Variants in ZNF678 observed in about 807,000 individuals in gnomAD.
ZNF678 encodes the protein zinc finger protein 678, also known as hypothetical protein MGC42493.
Under a neutral mutation model 3.0 loss-of-function variants are expected in ZNF678, and 5 were observed. The observed-to-expected ratio is 1.69, with a 90% CI of 0.88 to 3.56. The LOEUF (loss-of-function observed/expected upper bound fraction) is 3.56. ZNF678 is among the 30% of genes most tolerant of loss of function. The pLI is 0.00. For missense variants in ZNF678, 593 were observed against 605.0 expected, an observed-to-expected ratio of 0.98 and a Z score of 0.21; for synonymous variants, 218 against 199.6, an observed-to-expected ratio of 1.09 and a Z score of -0.78.
At chr1:227,608,535 C>A (rs953288690) in intron 1 of ZNF678, among the ~76,000 whole-genome samples, 4 of 152,098 alleles carry the variant, frequency 2.6e-5, no homozygotes, top group Non-Finnish European at 5.9e-5. Flanking sequence ...TCACATTCTA[C>A]AAATTATTAC....
intron 5 of ZNF678, among the ~76,000 whole-genome samples, chr1:227,669,985 C>T (rs913438874): frequency 2.0e-5 from 3 of 152,098 alleles, no homozygotes; most frequent in Middle Eastern, 3.4e-3. Flanking sequence ...ATTAAGAAAA[C>T]GTACATTTAC....
intron 1 of ZNF678, among the ~76,000 whole-genome samples, chr1:227,572,282 A>T (rs79585788): frequency 0.049 from 4,024 of 82,010 alleles, no homozygotes; most frequent in African/African-American, 0.071. Context: ...GATGGTTGAG[A>T]TGGTCTACAA....
chr1:227,592,005 A>C (rs1026907929), intron 1 of ZNF678, among the ~76,000 whole-genome samples: 4 of 152,098 alleles, frequency 2.6e-5, no homozygotes, highest in African/African-American at 9.7e-5. Flanking sequence ...GTCACTTTGC[A>C]GGGGTTTGCA....
rs1659070478 is a variant in ZNF678 at position 227,650,771 on chromosome 1, G to C, written c.-36-185G>C. On this transcript the variant is annotated intron_variant, in intron 2 of 3. Coordinates refer to ENST00000343776, the MANE Select transcript of ZNF678 (RefSeq NM_001367909.1). Reference sequence around the variant, plus strand: ...TTTTATTAAGTGGTTTGTAGTTAGTGTATTAGAACAAAACTGATATTTGTA... The same window carrying C: ...TTTTATTAAGTGGTTTGTAGTTAGTCTATTAGAACAAAACTGATATTTGTA... 2.0e-5 allele frequency among the ~76,000 whole-genome samples: 3 copies of C among 152,050 alleles called. No individual in the cohort carries two copies. The South Asian group carries it at 6.2e-4, about 31-fold the overall frequency.
chr1:227,672,289 G>T (rs1001518916), intron 5 of ZNF678, among the ~76,000 whole-genome samples: 6 of 152,114 alleles, frequency 3.9e-5, no homozygotes, highest in Non-Finnish European at 8.8e-5. Context: ...GAAGAAAAGG[G>T]AGAAATTTCT....
At chr1:227,635,388 A>C (rs545701993) in intron 1 of ZNF678, among the ~76,000 whole-genome samples, 1 of 152,296 alleles carries the variant, frequency 6.6e-6, no homozygotes, top group South Asian at 2.1e-4. Flanking sequence ...AAGTTCCAAA[A>C]CTATCTTATG....
At position 227,563,576 on chromosome 1, in the gene ZNF678, G is replaced by A; in HGVS notation, c.-312G>A. The A allele has an allele frequency of 1.2e-6, 1 of 818,922 alleles. No individual in the cohort carries two copies. Among genetic ancestry groups the A allele is most frequent in the Non-Finnish European group, 1.8e-6 (1 of 545,932 alleles). 50.7% of individuals were successfully genotyped at this position (818,922 alleles called of 1,614,324 possible). A position where few individuals can be genotyped will look rare whatever the true frequency, so the allele number is the denominator to read the frequency against. On this transcript the variant is annotated 5_prime_UTR_variant, in exon 1 of 4. Transcript: ENST00000343776. The stretch of plus-strand genomic sequence containing the variant: ...GGGGCCTTTGTCTTGTGCTCCAGCT[G>A]GAGCTTTGGTCCCGTATTCTCGGCT...
chr1:227,621,832 C>A (rs1658287318), intron 1 of ZNF678, among the ~76,000 whole-genome samples: 1 of 152,156 alleles, frequency 6.6e-6, no homozygotes, highest in South Asian at 2.1e-4. Flanking sequence ...ATTATAGCTT[C>A]TCCCTTTGGA....
At chr1:227,618,781 G>T (rs562149040) in intron 1 of ZNF678, among the ~76,000 whole-genome samples, 64 of 152,120 alleles carry the variant, frequency 4.2e-4, no homozygotes, top group Non-Finnish European at 8.5e-4. Flanking sequence ...GAACACAAAG[G>T]ATGGGAGATT....
In ZNF678 at chr1:227,656,265, A is replaced by C; in HGVS notation, c.*437A>C. On this transcript the variant is annotated 3_prime_UTR_variant, in exon 4 of 4. Coordinates refer to ENST00000343776, the MANE Select transcript of ZNF678 (RefSeq NM_001367909.1). ...AAAGTACTAAGGCACTAACAGTTTC[A>C]GATGTTACTTTAAAGCAGTGTTGAT... is the stretch of plus-strand genomic sequence containing the variant. The C allele has an allele frequency of 6.6e-6, 1 of 152,352 alleles. No homozygotes were observed. The highest frequency in any genetic ancestry group is 1.9e-4 in the East Asian group (1 of 5,210). 9.4% of individuals were successfully genotyped at this position (152,352 alleles called of 1,614,324 possible). A position where few individuals can be genotyped will look rare whatever the true frequency, so the allele number is the denominator to read the frequency against.
chr1:227,614,100 C>G (rs1484109666), intron 1 of ZNF678, among the ~76,000 whole-genome samples: 1 of 152,212 alleles, frequency 6.6e-6, no homozygotes, highest in East Asian at 1.9e-4. Flanking sequence ...TAGAGGCCAT[C>G]TGCTGGGCCC....
At position 227,644,513 on chromosome 1, in the gene ZNF678, A is replaced by G. The variant is rs537073747; in HGVS notation, c.-163-2031A>G. Among the ~76,000 whole-genome samples the G allele has an allele frequency of 2.0e-5, 3 of 152,216 alleles. No homozygotes were observed. The East Asian group carries it at 5.8e-4, about 29-fold the overall frequency. On this transcript the variant is annotated intron_variant, in intron 1 of 3. Coordinates refer to ENST00000343776, the MANE Select transcript of ZNF678 (RefSeq NM_001367909.1). The stretch of plus-strand genomic sequence containing the variant: ...TTCACTTTGGATCATAAATATTTGT[A>G]TTGGGCTAAGAGTATTGTGTAAAGG...
At chr1:227,647,190 G>A (rs1305442059) in intron 2 of ZNF678, among the ~76,000 whole-genome samples, 1 of 152,204 alleles carries the variant, frequency 6.6e-6, no homozygotes, top group Non-Finnish European at 1.5e-5. Context: ...CTGAGAGGCA[G>A]AGGTTGCAGT....
At chr1:227,574,625 T>C (rs1234591183) in intron 1 of ZNF678, among the ~76,000 whole-genome samples, 1 of 152,110 alleles carries the variant, frequency 6.6e-6, no homozygotes, top group Non-Finnish European at 1.5e-5. Flanking sequence ...TGTTCCTCTG[T>C]TGATATTTTT....
intron 1 of ZNF678, among the ~76,000 whole-genome samples, chr1:227,606,756 T>TA (rs1558141101): frequency 1.3e-5 from 2 of 152,090 alleles, no homozygotes; most frequent in Non-Finnish European, 2.9e-5. Context: ...CCCTGGTTAA[T>TA]AGAGAATGGA....
At chr1:227,595,630 C>T (rs1657562860) in intron 1 of ZNF678, among the ~76,000 whole-genome samples, 1 of 152,102 alleles carries the variant, frequency 6.6e-6, no homozygotes, top group African/African-American at 2.4e-5. Context: ...CATGCTCAAA[C>T]CACACGCACA....
intron 1 of ZNF678, among the ~76,000 whole-genome samples, chr1:227,596,204 A>T (rs759585077): frequency 2.0e-5 from 3 of 152,206 alleles, no homozygotes; most frequent in Non-Finnish European, 4.4e-5. Context: ...GGCAGGCTTA[A>T]GCTGCATAAG....
chr1:227,566,751 C>T (rs941819597), intron 1 of ZNF678, among the ~76,000 whole-genome samples: 8 of 152,076 alleles, frequency 5.3e-5, no homozygotes, highest in East Asian at 1.9e-4. Context: ...AGGGTATGAA[C>T]GTGGTGAATT....
chr1:227,629,368 G>A (rs1658496805), intron 1 of ZNF678, among the ~76,000 whole-genome samples: 1 of 152,192 alleles, frequency 6.6e-6, no homozygotes, highest in Non-Finnish European at 1.5e-5. Context: ...GTGTATAATG[G>A]CCCCTGCTTT....
Sources: allele counts gnomAD v4.1 joint callset (sites outside exome capture counted in the v4.1 genomes callset), GRCh38; gene constraint gnomAD v4.1.1; transcripts MANE v1.5; gene names NCBI Gene and HGNC (gene_info 2026-07-23, HGNC 2026-07-21).